The following STX2 variants were observed in gnomAD, a reference collection of about 807,000 sequenced individuals.
STX2 encodes the protein syntaxin 2.
Under a neutral mutation model 40.6 loss-of-function variants are expected in STX2, and 27 were observed. The observed-to-expected ratio is 0.66, with a 90% CI of 0.49 to 0.92. STX2 has a LOEUF of 0.92. STX2 is among the 40% of genes least tolerant of loss of function. The pLI is 0.00. For synonymous variants in STX2, 123 were observed against 119.1 expected, an observed-to-expected ratio of 1.03 and a Z score of -0.22; for missense variants, 328 against 366.1, an observed-to-expected ratio of 0.90 and a Z score of 0.85.
rs60594418 is a variant in STX2 at position 130,823,879 on chromosome 12, T to C, written c.106-2091A>G. ...TTTGTAAATCTAATGTCCAGCTTAA[T>C]AGACAGCACCCTGATCATCACAGAT... is the stretch of plus-strand genomic sequence containing the variant. On this transcript the variant is annotated intron_variant, in intron 2 of 10. Coordinates refer to ENST00000392373, the MANE Select transcript of STX2 (RefSeq NM_194356.4). 7.2e-3 allele frequency among the ~76,000 whole-genome samples: 1,102 copies of C among 152,344 alleles called. 14 individuals are homozygous for C. The highest frequency in any genetic ancestry group is 0.025 in the African/African-American group (1,031 of 41,576).
intron 5 of STX2, 99 bp downstream of exon 5, chr12:130,808,532 G>A (rs1200257058): frequency 8.7e-6 from 9 of 1,034,056 alleles, no homozygotes; most frequent in Non-Finnish European, 1.2e-5. Context: ...ATGAGGATAA[G>A]CATGACAGTA....
At chr12:130,808,905 C>T (rs1338419259) in intron 4 of STX2, among the ~76,000 whole-genome samples, 5 of 152,222 alleles carry the variant, frequency 3.3e-5, no homozygotes, top group Non-Finnish European at 7.3e-5. Flanking sequence ...CTGGCTCTAT[C>T]ACCCGGGCTG....
intron 1 of STX2, among the ~76,000 whole-genome samples, chr12:130,837,307 T>C (rs1342178646): frequency 6.6e-6 from 1 of 152,068 alleles, no homozygotes; most frequent in African/African-American, 2.4e-5. Context: ...TTTGTTGGTT[T>C]TTCTGAAACA....
In STX2 at chr12:130,801,440, C is replaced by T. The variant is rs1951223435; in HGVS notation, c.512G>A (p.Gly171Glu). 1 of 1,611,294 alleles carries T rather than the reference C, an allele frequency of 6.2e-7. No individual in the cohort carries two copies. Among genetic ancestry groups the T allele is most frequent in the South Asian group, 1.1e-5 (1 of 90,536 alleles). ...GTCGGAAGTGAAGATGGATGGCTTC[C>T]CGCTCTCCAGCATCTCTTCTAGCTC... ...DDELEEMLES[G>E]KPSIFTSDII... is the part of the protein sequence containing the mutation. Residue 171 changes from glycine to glutamate, a missense_variant, in exon 7 of 11, where the codon GGG (glycine) becomes GAG (glutamate). Physicochemically the swap from Gly to Glu is moderately conservative, Grantham distance 98 (BLOSUM62 -2). Coordinates refer to ENST00000392373, the MANE Select transcript of STX2 (RefSeq NM_194356.4).
In STX2 at chr12:130,813,049, T is replaced by C. The variant is rs1456910905; in HGVS notation, c.206-18A>G. 1.4e-6 allele frequency: 2 copies of C among 1,408,616 alleles called. No individual in the cohort carries two copies. Among genetic ancestry groups the C allele is most frequent in the African/African-American group, 3.0e-5 (2 of 66,892 alleles). 87.3% of individuals were successfully genotyped at this position (1,408,616 alleles called of 1,614,324 possible). A position where few individuals can be genotyped will look rare whatever the true frequency, so the allele number is the denominator to read the frequency against. On this transcript the variant is annotated intron_variant, in intron 3 of 10. Coordinates refer to ENST00000392373, the MANE Select transcript of STX2 (RefSeq NM_194356.4). The stretch of plus-strand genomic sequence containing the variant: ...TTTTATTTCTATAAAAATTTAAAAT[T>C]AAAAAATAAAATACAGCATCTGAGC...
At position 130,791,884 on chromosome 12, in the gene STX2, T is replaced by C; in HGVS notation, c.*139A>G. 1 of 1,607,348 alleles carries C rather than the reference T, an allele frequency of 6.2e-7. No individual in the cohort carries two copies. The highest frequency in any genetic ancestry group is 8.5e-7 in the Non-Finnish European group (1 of 1,174,968). On this transcript the variant is annotated 3_prime_UTR_variant, in exon 11 of 11. Coordinates refer to ENST00000392373, the MANE Select transcript of STX2 (RefSeq NM_194356.4). ...GGTCTGAGTCTCAAGGATAAATGGCTCTTGGGATATGGTTGCTAGGACAAT... is the reference window on the plus strand; with the variant it reads ...GGTCTGAGTCTCAAGGATAAATGGCCCTTGGGATATGGTTGCTAGGACAAT...
chr12:130,811,514 A>ATG (rs1177747637), intron 4 of STX2, among the ~76,000 whole-genome samples: 1 of 150,624 alleles, frequency 6.6e-6, no homozygotes, highest in African/African-American at 2.4e-5. Flanking sequence ...CCAAGAAAAA[A>ATG]TGTTAATGTC....
chr12:130,830,322 CTG>C (rs1952509273), intron 1 of STX2, among the ~76,000 whole-genome samples: 1 of 152,186 alleles, frequency 6.6e-6, no homozygotes, highest in African/African-American at 2.4e-5. Flanking sequence ...CCGTCCCATG[CTG>C]TGTGATGCAC....
intron 6 of STX2, among the ~76,000 whole-genome samples, chr12:130,802,713 C>T (rs1951279500): frequency 1.3e-5 from 2 of 152,030 alleles, no homozygotes; most frequent in East Asian, 3.9e-4. Flanking sequence ...TCAAGCTGGT[C>T]TTGAACTCCT....
At position 130,815,019 on chromosome 12, in the gene STX2, A is replaced by T. The variant is rs150192245; in HGVS notation, c.206-1988T>A. Among the ~76,000 whole-genome samples the T allele has an allele frequency of 4.5e-3, 691 of 152,356 alleles. 2 individuals are homozygous for T. Among genetic ancestry groups the T allele is most frequent in the Middle Eastern group, 0.01 (3 of 294 alleles). On this transcript the variant is annotated intron_variant, in intron 3 of 10. Transcript: ENST00000392373. ...GAGGCTGAGGCAGGAGGATCACTTA[A>T]GCCTAGGACTTTAAGGCCAACCTGG...
chr12:130,795,633 G>C (rs1045265525), intron 10 of STX2, among the ~76,000 whole-genome samples: 1 of 152,142 alleles, frequency 6.6e-6, no homozygotes, highest in African/African-American at 2.4e-5. Context: ...CCAGCTACTC[G>C]GGAGGCTGAG....
intron 6 of STX2, among the ~76,000 whole-genome samples, chr12:130,803,654 G>A (rs1216062412): frequency 8.0e-6 from 1 of 125,594 alleles, no homozygotes; most frequent in East Asian, 2.3e-4. Context: ...GTGACAGCGT[G>A]AGGCTCTCTC....
intron 1 of STX2, among the ~76,000 whole-genome samples, chr12:130,831,315 C>G (rs1203371274): frequency 1.3e-5 from 2 of 152,196 alleles, no homozygotes; most frequent in African/African-American, 4.8e-5. Flanking sequence ...CTTTGACTTA[C>G]TTTTCACAAT....
chr12:130,827,367 C>A, intron 1 of STX2, 100 bp from the exon 2 acceptor site: 1 of 841,202 alleles, frequency 1.2e-6, no homozygotes. Flanking sequence ...AAGATCTCAA[C>A]TCACTACAGC....
rs910565777 is a variant in STX2, at chr12:130,826,273, G to A, written c.105+920C>T. On this transcript the variant is annotated intron_variant, in intron 2 of 10. Transcript: ENST00000392373. The stretch of plus-strand genomic sequence containing the variant: ...CTGACCCCTGCCCCCACAGCCAGGC[G>A]CCACCTCTGCTGCCGGAACCACCAC... Among the ~76,000 whole-genome samples the A allele has an allele frequency of 2.0e-5, 3 of 152,200 alleles. No homozygotes were observed. In the East Asian group the frequency reaches 5.8e-4, roughly 29 times the overall value.
At chr12:130,825,305 G>A (rs1952261505) in intron 2 of STX2, among the ~76,000 whole-genome samples, 1 of 152,192 alleles carries the variant, frequency 6.6e-6, no homozygotes, top group South Asian at 2.1e-4. Flanking sequence ...CCAAAGTGCT[G>A]GGAGCACAGG....
chr12:130,807,454 A>T (rs1479831836), intron 5 of STX2, among the ~76,000 whole-genome samples: 1 of 149,000 alleles, frequency 6.7e-6, no homozygotes, highest in Non-Finnish European at 1.5e-5. Context: ...GGACCCAGGC[A>T]AGCGGACCCC....
intron 5 of STX2, among the ~76,000 whole-genome samples, chr12:130,807,899 T>C (rs1951501375): frequency 6.6e-6 from 1 of 152,136 alleles, no homozygotes; most frequent in Non-Finnish European, 1.5e-5. Context: ...ATGGCTGCAG[T>C]GACAGAAGGC....
chr12:130,818,185 A>AAT (rs1168152790), intron 3 of STX2, among the ~76,000 whole-genome samples: 19 of 70,526 alleles, frequency 2.7e-4, no homozygotes, highest in African/African-American at 1.8e-3. Flanking sequence ...AAAAAAAAAA[A>AAT]ATATATATAT....
Sources: allele counts gnomAD v4.1 joint callset (sites outside exome capture counted in the v4.1 genomes callset), GRCh38; gene constraint gnomAD v4.1.1; transcripts MANE v1.5; gene names NCBI Gene and HGNC (gene_info 2026-07-23, HGNC 2026-07-21).